Variants in SH3D19 observed in about 807,000 individuals in gnomAD.
SH3D19 encodes the protein SH3 domain containing 19.
Under a neutral mutation model 112.1 loss-of-function variants are expected in SH3D19, and 58 were observed. The ratio of observed to expected loss-of-function variants is 0.52; its 90% CI spans 0.42 to 0.64. The LOEUF (loss-of-function observed/expected upper bound fraction) is 0.64, where lower values mean the gene tolerates loss of function less well. Ranked by LOEUF, SH3D19 falls within the 30% of genes least tolerant of loss-of-function variation. The pLI is 0.00. For missense variants in SH3D19, 1,090 were observed against 1,263.4 expected, an observed-to-expected ratio of 0.86 and a Z score of 2.08; for synonymous variants, 391 against 448.5, an observed-to-expected ratio of 0.87 and a Z score of 1.62.
In SH3D19 at chr4:151,137,745, T is replaced by A. The variant is rs1229681307; in HGVS notation, c.2414A>T (p.Tyr805Phe). 6.2e-7 allele frequency: 1 copy of A among 1,602,012 alleles called. No homozygotes were observed. The highest frequency in any genetic ancestry group is 2.3e-5 in the East Asian group (1 of 44,090). The change falls in exon 14 of 20, where the codon TAT becomes TTT. Residue 805 changes from tyrosine to phenylalanine, a missense_variant. Coordinates refer to ENST00000604030, the MANE Select transcript of SH3D19 (RefSeq NM_001378122.1). ...RNQIGIFPAN[Y>F]VKVIIDIPEG... is the part of the protein sequence containing the mutation. ...CAACCCACTTACAATCACTTTGACA[T>A]AGTTGGCAGGAAATATGCCAATCTG...
intron 1 of SH3D19, chr4:151,283,009 T>C: frequency 1.1e-6 from 1 of 919,860 alleles, no homozygotes; most frequent in Non-Finnish European, 1.7e-6. Context: ...AAAGGCATTG[T>C]AAGCTGCTTT....
chr4:151,227,383 A>C (rs1192186545), intron 1 of SH3D19, among the ~76,000 whole-genome samples: 1 of 152,262 alleles, frequency 6.6e-6, no homozygotes, highest in East Asian at 1.9e-4. Flanking sequence ...GTTCTCTGAA[A>C]GACTAATAAG....
chr4:151,185,040 GTT>G (rs66567240), intron 3 of SH3D19, among the ~76,000 whole-genome samples: 1,810 of 66,440 alleles, frequency 0.027, 59 homozygotes, highest in African/African-American at 0.11. Context: ...GCTGTGTCCT[GTT>G]TTTTTTTTTT....
At chr4:151,127,783 TAA>T in intron 18 of SH3D19, 68 bp from the exon 19 acceptor site, 1 of 934,076 alleles carries the variant, frequency 1.1e-6, no homozygotes, top group Non-Finnish European at 1.5e-6. Flanking sequence ...TAACATTTTT[TAA>T]AAAAAAACGC....
chr4:151,302,738 G>A (rs540911121), intron 1 of SH3D19, among the ~76,000 whole-genome samples: 4 of 152,214 alleles, frequency 2.6e-5, no homozygotes, highest in African/African-American at 4.8e-5. Context: ...GTCATATAGC[G>A]GGCTAGTGGG....
intron 2 of SH3D19, among the ~76,000 whole-genome samples, chr4:151,195,071 T>TA (rs35607961): frequency 0.7 from 86,723 of 123,320 alleles, 33,817 homozygotes; most frequent in Non-Finnish European, 0.88. Context: ...AAGACCATCT[T>TA]AAAAAAAAAA....
At chr4:151,289,308 T>A (rs1775107001) in intron 1 of SH3D19, among the ~76,000 whole-genome samples, 1 of 152,188 alleles carries the variant, frequency 6.6e-6, no homozygotes, top group Non-Finnish European at 1.5e-5. Context: ...TAGGTCTTTG[T>A]GACCTTGATT....
At chr4:151,245,490 C>T (rs566606605) in intron 1 of SH3D19, among the ~76,000 whole-genome samples, 31 of 152,206 alleles carry the variant, frequency 2.0e-4, no homozygotes, top group African/African-American at 6.5e-4. Context: ...AGATATTCCT[C>T]ATACCTGTTC....
intron 1 of SH3D19, among the ~76,000 whole-genome samples, chr4:151,242,025 C>T (rs550266347): frequency 6.6e-6 from 1 of 151,824 alleles, no homozygotes; most frequent in Non-Finnish European, 1.5e-5. Flanking sequence ...GACCCTGTCT[C>T]TACAAAAAAC....
intron 19 of SH3D19, among the ~76,000 whole-genome samples, chr4:151,126,639 A>G (rs904566622): frequency 6.6e-6 from 1 of 151,468 alleles, no homozygotes; most frequent in African/African-American, 2.4e-5. Context: ...ACTAAAAAAA[A>G]TACAAAAAAA....
intron 1 of SH3D19, among the ~76,000 whole-genome samples, chr4:151,280,514 TG>T (rs1386120625): frequency 6.6e-6 from 1 of 152,200 alleles, no homozygotes; most frequent in Non-Finnish European, 1.5e-5. Flanking sequence ...ATAAAAACTA[TG>T]AGATAAATAT....
rs955130731 is a variant in SH3D19 at position 151,241,147 on chromosome 4, C to T, written c.113-15061G>A. 4.0e-5 allele frequency among the ~76,000 whole-genome samples: 6 copies of T among 151,716 alleles called. 1 individual carries two copies. Among genetic ancestry groups the T allele is most frequent in the South Asian group, 2.1e-4 (1 of 4,808 alleles). On this transcript the variant is annotated intron_variant, in intron 1 of 19. Coordinates refer to ENST00000604030, the MANE Select transcript of SH3D19 (RefSeq NM_001378122.1). The stretch of plus-strand genomic sequence containing the variant: ...AAAAAAAAAAAAATTAAAAAACTAG[C>T]CAGCCGTGGTGGCACATGCCTGTAG...
chr4:151,126,052 C>A (rs1224232353), intron 19 of SH3D19, among the ~76,000 whole-genome samples: 3 of 152,162 alleles, frequency 2.0e-5, no homozygotes, highest in Non-Finnish European at 4.4e-5. Flanking sequence ...CTTACCCCGA[C>A]AAAGGCTGCA....
chr4:151,184,452 A>G (rs949857546), intron 3 of SH3D19, among the ~76,000 whole-genome samples: 1 of 152,246 alleles, frequency 6.6e-6, no homozygotes, highest in Non-Finnish European at 1.5e-5. Context: ...CTTCTTGCCT[A>G]AACATCAGGA....
chr4:151,125,575 C>T (rs561202843), intron 19 of SH3D19, among the ~76,000 whole-genome samples: 32 of 149,884 alleles, frequency 2.1e-4, no homozygotes, highest in South Asian at 6.4e-4. Context: ...AGAGAGAGGC[C>T]GGGCATGGTG....
chr4:151,141,828 C>T (rs1336548521), intron 12 of SH3D19, among the ~76,000 whole-genome samples: 1 of 152,222 alleles, frequency 6.6e-6, no homozygotes, highest in Non-Finnish European at 1.5e-5. Flanking sequence ...CAAACACAAA[C>T]ATGAAATCTC....
intron 1 of SH3D19, among the ~76,000 whole-genome samples, chr4:151,230,485 T>C (rs1769523432): frequency 6.6e-6 from 1 of 152,146 alleles, no homozygotes. Context: ...TGACTCAAGT[T>C]GGAAATGAAA....
chr4:151,202,319 A>G (rs1290820122), intron 2 of SH3D19, among the ~76,000 whole-genome samples: 2 of 152,212 alleles, frequency 1.3e-5, no homozygotes, highest in African/African-American at 2.4e-5. Flanking sequence ...TAGGCGACAG[A>G]GCAAGACTCC....
At chr4:151,137,990 C>T in intron 13 of SH3D19, 128 bp from the exon 14 acceptor site, 1 of 645,578 alleles carries the variant, frequency 1.5e-6, no homozygotes, top group East Asian at 3.4e-5. Flanking sequence ...ACAGATTATA[C>T]TAATCAAATT....
Sources: gnomAD v4.1 joint callset for allele counts (sites outside exome capture counted in the v4.1 genomes callset) on GRCh38, gnomAD v4.1.1 for gene constraint, MANE v1.5 for transcripts, NCBI Gene and HGNC (gene_info 2026-07-23, HGNC 2026-07-21) for gene names.